Variants in SLC25A12 observed in about 807,000 individuals in gnomAD.
SLC25A12 encodes the protein solute carrier family 25 member 12.
SLC25A12 carries 32 observed loss-of-function variants against 83.3 expected under a neutral mutation model. The observed-to-expected ratio is 0.38, with a 90% CI of 0.29 to 0.52. The LOEUF is 0.52. Ranked by LOEUF, SLC25A12 falls within the 20% of genes least tolerant of loss-of-function variation. The pLI is 0.84. For missense variants in SLC25A12, 611 were observed against 835.6 expected (o/e 0.73, Z 3.31); for synonymous variants, 267 against 291.1 (o/e 0.92, Z 0.84).
chr2:171,848,817 G>A (rs769307719), intron 4 of SLC25A12, among the ~76,000 whole-genome samples: 1 of 152,146 alleles, frequency 6.6e-6, no homozygotes, highest in Non-Finnish European at 1.5e-5. Flanking sequence ...CTCTAGAAGG[G>A]ACTACTGCAC....
In SLC25A12 at chr2:171,804,345, G is replaced by A. The variant is rs185032630; in HGVS notation, c.1305+5261C>T. Among the ~76,000 whole-genome samples, 110 of 152,122 alleles carry A rather than the reference G, an allele frequency of 7.2e-4. 1 individual carries two copies. In the East Asian group the frequency reaches 0.017, roughly 24 times the overall value. ...ACAATCTCTGCTCATTGCAACCTCC[G>A]CCTCCCAGGCTCAAGTGATTCTCCT... On this transcript the variant is annotated intron_variant, in intron 13 of 17. Coordinates refer to ENST00000422440, the MANE Select transcript of SLC25A12 (RefSeq NM_003705.5).
intron 9 of SLC25A12, among the ~76,000 whole-genome samples, chr2:171,820,606 T>TA (rs1319549266): frequency 7.5e-6 from 1 of 133,340 alleles, no homozygotes; most frequent in Non-Finnish European, 1.7e-5. Flanking sequence ...CGGGCGCCTG[T>TA]AGTCCCAGCT....
At chr2:171,809,581 A>G (rs2105858699) in intron 13 of SLC25A12, 25 bp downstream of exon 13, 6 of 1,573,672 alleles carry the variant, frequency 3.8e-6, no homozygotes, top group Non-Finnish European at 5.2e-6. Context: ...ATTTGTCACA[A>G]GAAGCGCCTA....
intron 9 of SLC25A12, among the ~76,000 whole-genome samples, chr2:171,826,424 A>G (rs1306095569): frequency 6.6e-6 from 1 of 152,192 alleles, no homozygotes; most frequent in Non-Finnish European, 1.5e-5. Flanking sequence ...CCTGCCCAAC[A>G]TGGCAAAACC....
chr2:171,824,727 TTTA>T (rs1684262858), intron 9 of SLC25A12, among the ~76,000 whole-genome samples: 1 of 151,796 alleles, frequency 6.6e-6, no homozygotes, highest in Non-Finnish European at 1.5e-5. Context: ...TTTATAAAAT[TTTA>T]TTTTTTTAAA....
chr2:171,785,873 A>G (rs1436471971), intron 17 of SLC25A12, among the ~76,000 whole-genome samples: 1 of 151,918 alleles, frequency 6.6e-6, no homozygotes, highest in Non-Finnish European at 1.5e-5. Flanking sequence ...TGGTCTAAGG[A>G]ATCCTTCTGC....
At chr2:171,794,944 C>T (rs1335852859) in intron 13 of SLC25A12, among the ~76,000 whole-genome samples, 1 of 152,162 alleles carries the variant, frequency 6.6e-6, no homozygotes, top group Non-Finnish European at 1.5e-5. Context: ...CATTCCTGCT[C>T]ACTTATCTAA....
chr2:171,798,313 T>G (rs1044942928), intron 13 of SLC25A12, among the ~76,000 whole-genome samples: 5 of 152,180 alleles, frequency 3.3e-5, no homozygotes, highest in Admixed American at 6.5e-5. Flanking sequence ...ATTAGGCCTA[T>G]TCAACCTTCT....
In SLC25A12 at chr2:171,837,937, T is replaced by C. The variant is rs951712807; in HGVS notation, c.466-670A>G. Among the ~76,000 whole-genome samples the C allele has an allele frequency of 3.9e-5, 6 of 152,182 alleles. No homozygotes were observed. The East Asian group carries it at 9.6e-4, about 24-fold the overall frequency. On this transcript the variant is annotated intron_variant, in intron 5 of 17. Coordinates refer to ENST00000422440, the MANE Select transcript of SLC25A12 (RefSeq NM_003705.5). Reference sequence around the variant, plus strand: ...GACAGTCCAGAATATCTCTGAACTTTTGAACTATTGGGCAACCAAACTTTG... The same window carrying C: ...GACAGTCCAGAATATCTCTGAACTTCTGAACTATTGGGCAACCAAACTTTG...
At chr2:171,835,007 A>T in intron 6 of SLC25A12, 142 bp from the exon 7 acceptor site, 1 of 877,256 alleles carries the variant, frequency 1.1e-6, no homozygotes, top group East Asian at 2.7e-5. Context: ...ATACAAGGAA[A>T]GTATCACACT....
At chr2:171,846,405 T>C (rs537601652) in intron 4 of SLC25A12, among the ~76,000 whole-genome samples, 1 of 152,178 alleles carries the variant, frequency 6.6e-6, no homozygotes, top group South Asian at 2.1e-4. Flanking sequence ...TAGAATGAAA[T>C]TGAATCCCTT....
intron 2 of SLC25A12, among the ~76,000 whole-genome samples, chr2:171,890,477 CTGTGTGTGTGTGTG>C (rs34728188): frequency 6.7e-6 from 1 of 149,206 alleles, no homozygotes; most frequent in Non-Finnish European, 1.5e-5. Context: ...TCGTGTGTGT[CTGTGTGTGTGTGTG>C]TGTGTGTGTG....
chr2:171,894,084 C>G, intron 1 of SLC25A12, 119 bp downstream of exon 1: 1 of 1,374,164 alleles, frequency 7.3e-7, no homozygotes, highest in Non-Finnish European at 1.0e-6. Flanking sequence ...AGCCGGAGCC[C>G]CAGGACAAGC....
intron 4 of SLC25A12, among the ~76,000 whole-genome samples, chr2:171,849,173 C>G (rs539975395): frequency 6.7e-4 from 102 of 152,216 alleles, no homozygotes; most frequent in African/African-American, 2.3e-3. Flanking sequence ...CTGGGCGACA[C>G]AGCAAGACCG....
At chr2:171,869,989 C>G (rs1441179341) in intron 2 of SLC25A12, among the ~76,000 whole-genome samples, 2 of 152,162 alleles carry the variant, frequency 1.3e-5, no homozygotes, top group African/African-American at 4.8e-5. Flanking sequence ...CTCAGCACCT[C>G]TTTCTAACAT....
chr2:171,873,241 G>A (rs549349352), intron 2 of SLC25A12, among the ~76,000 whole-genome samples: 17 of 152,288 alleles, frequency 1.1e-4, no homozygotes, highest in Non-Finnish European at 2.2e-4. Flanking sequence ...GAGGTCAGGA[G>A]ATCGAGGCCA....
At chr2:171,888,751 G>GT (rs1347889667) in intron 2 of SLC25A12, among the ~76,000 whole-genome samples, 2 of 152,012 alleles carry the variant, frequency 1.3e-5, no homozygotes, top group Non-Finnish European at 2.9e-5. Flanking sequence ...CCATTTTATT[G>GT]TTTTACAAAT....
intron 4 of SLC25A12, among the ~76,000 whole-genome samples, chr2:171,847,596 T>C (rs928804637): frequency 1.3e-5 from 2 of 152,134 alleles, no homozygotes; most frequent in African/African-American, 2.4e-5. Flanking sequence ...TTTTTTGCCA[T>C]GTTTAAGAAT....
chr2:171,787,975 A>T (rs1358082129), intron 15 of SLC25A12, 28 bp from the exon 16 acceptor site: 2 of 1,612,246 alleles, frequency 1.2e-6, no homozygotes, highest in Admixed American at 1.7e-5. Context: ...CATTTAATTT[A>T]TCTAGAGTAC....
Sources: gnomAD v4.1 joint callset for allele counts (sites outside exome capture counted in the v4.1 genomes callset) on GRCh38, gnomAD v4.1.1 for gene constraint, MANE v1.5 for transcripts, NCBI Gene and HGNC (gene_info 2026-07-23, HGNC 2026-07-21) for gene names.